Variants in TDRP observed in about 807,000 individuals in gnomAD.
TDRP encodes the protein testis development related protein.
Under a neutral mutation model 10.5 loss-of-function variants are expected in TDRP, and 12 were observed. That is an observed-to-expected ratio of 1.15 (90% confidence interval 0.73 to 1.86). The LOEUF (loss-of-function observed/expected upper bound fraction) is 1.86. TDRP is among the 40% of genes most tolerant of loss of function. The probability of loss-of-function intolerance (pLI) is 0.00; values close to 1 mark genes in which losing one functional copy is unlikely to be tolerated. For synonymous variants in TDRP, 139 were observed against 95.4 expected, an observed-to-expected ratio of 1.46 and a Z score of -2.67; for missense variants, 353 against 229.2, an observed-to-expected ratio of 1.54 and a Z score of -3.49.
chr8:497,424 A>G (rs1801166920), intron 1 of TDRP, among the ~76,000 whole-genome samples: 1 of 152,210 alleles, frequency 6.6e-6, no homozygotes, highest in South Asian at 2.1e-4. Context: ...ATGATTTAGG[A>G]TATCTGGCAG....
intron 1 of TDRP, among the ~76,000 whole-genome samples, chr8:536,500 A>G (rs114924417): frequency 0.014 from 2,124 of 152,326 alleles, 38 homozygotes; most frequent in African/African-American, 0.049. Context: ...TCACCTGTAC[A>G]TTTTATAAAC....
rs141611127 is a variant in TDRP, at chr8:491,926, A to C, written c.*473T>G. ...AAAGTTTAATTTGTCAAGTTAAACAAAATTTAACATAACTTTGGAAGATTC... is the reference window on the plus strand; with the variant it reads ...AAAGTTTAATTTGTCAAGTTAAACACAATTTAACATAACTTTGGAAGATTC... On this transcript the variant is annotated 3_prime_UTR_variant, in exon 3 of 3. Transcript: ENST00000324079. 4.4e-6 allele frequency: 5 copies of C among 1,146,304 alleles called. No homozygotes were observed. Among genetic ancestry groups the C allele is most frequent in the Non-Finnish European group, 5.4e-6 (5 of 934,530 alleles). The allele number at this position is 1,146,304 out of a possible 1,614,324, so 71.0% of individuals were successfully genotyped here.
intron 1 of TDRP, among the ~76,000 whole-genome samples, chr8:540,804 CG>C (rs1338202850): frequency 9.0e-5 from 7 of 77,506 alleles, no homozygotes; most frequent in Non-Finnish European, 1.2e-4. Flanking sequence ...TACTTTTTCA[CG>C]TAAAAAAAAA....
chr8:525,781 A>C (rs1321290632), intron 1 of TDRP, among the ~76,000 whole-genome samples: 1 of 152,222 alleles, frequency 6.6e-6, no homozygotes, highest in Non-Finnish European at 1.5e-5. Context: ...CAGAACAACC[A>C]GAAAACAAGT....
At chr8:523,202 T>C (rs934120203) in intron 1 of TDRP, among the ~76,000 whole-genome samples, 9 of 152,216 alleles carry the variant, frequency 5.9e-5, no homozygotes, top group African/African-American at 1.7e-4. Flanking sequence ...ATCACAGGGA[T>C]TACATAAAAC....
intron 1 of TDRP, among the ~76,000 whole-genome samples, chr8:527,237 AC>A (rs1329315146): frequency 1.3e-5 from 2 of 152,144 alleles, no homozygotes; most frequent in African/African-American, 4.8e-5. Context: ...TACAATGAAA[AC>A]TATAAAACAC....
intron 1 of TDRP, among the ~76,000 whole-genome samples, chr8:498,782 G>A (rs1801205656): frequency 6.6e-6 from 1 of 152,182 alleles, no homozygotes; most frequent in South Asian, 2.1e-4. Flanking sequence ...AAGGGACCTG[G>A]TGGGACGTGA....
intron 1 of TDRP, among the ~76,000 whole-genome samples, chr8:519,576 C>G (rs1337493892): frequency 6.6e-6 from 1 of 152,058 alleles, no homozygotes; most frequent in Non-Finnish European, 1.5e-5. Flanking sequence ...AAACCCCCCT[C>G]TCCCCCACCC....
chr8:516,032 T>C (rs978913539), intron 1 of TDRP, among the ~76,000 whole-genome samples: 4 of 152,154 alleles, frequency 2.6e-5, no homozygotes, highest in Non-Finnish European at 5.9e-5. Context: ...AAAAATTACA[T>C]TAAAAACAAG....
At chr8:522,992 G>A (rs1801945977) in intron 1 of TDRP, among the ~76,000 whole-genome samples, 2 of 152,098 alleles carry the variant, frequency 1.3e-5, no homozygotes, top group African/African-American at 4.8e-5. Flanking sequence ...AGTTTTGGTT[G>A]GGGAGTTTAA....
At chr8:494,178 G>C (rs867617206) in intron 2 of TDRP, among the ~76,000 whole-genome samples, 34 of 151,656 alleles carry the variant, frequency 2.2e-4, no homozygotes, top group Middle Eastern at 3.4e-3. Flanking sequence ...GGCCAGGCTG[G>C]TCTTGAACTC....
At chr8:534,928 T>C (rs1180246019) in intron 1 of TDRP, among the ~76,000 whole-genome samples, 2 of 152,164 alleles carry the variant, frequency 1.3e-5, no homozygotes, top group Non-Finnish European at 2.9e-5. Context: ...TCCAGGATTC[T>C]ATCCTCCAAA....
At chr8:522,979 C>T (rs985796734) in intron 1 of TDRP, among the ~76,000 whole-genome samples, 1 of 152,042 alleles carries the variant, frequency 6.6e-6, no homozygotes, top group African/African-American at 2.4e-5. Flanking sequence ...TTAAACCACA[C>T]GTAGTTTTGG....
intron 1 of TDRP, among the ~76,000 whole-genome samples, chr8:495,840 C>A (rs559341563): frequency 2.0e-5 from 3 of 152,336 alleles, no homozygotes; most frequent in Non-Finnish European, 4.4e-5. Context: ...GGGTGTAACA[C>A]AGCCTCAGGA....
At chr8:531,868 T>G (rs1232499466) in intron 1 of TDRP, among the ~76,000 whole-genome samples, 3 of 152,210 alleles carry the variant, frequency 2.0e-5, no homozygotes, top group African/African-American at 2.4e-5. Flanking sequence ...ACATATTATT[T>G]CAACCTAGTA....
chr8:497,112 C>T (rs1318470962), intron 1 of TDRP, among the ~76,000 whole-genome samples: 2 of 152,096 alleles, frequency 1.3e-5, no homozygotes, highest in African/African-American at 4.8e-5. Flanking sequence ...ATAAAGATAC[C>T]TGAAAACGTG....
At chr8:525,100 T>C (rs1802002687) in intron 1 of TDRP, among the ~76,000 whole-genome samples, 1 of 152,176 alleles carries the variant, frequency 6.6e-6, no homozygotes, top group South Asian at 2.1e-4. Flanking sequence ...ACAATGGAGC[T>C]CCGATAGGTC....
At chr8:518,715 C>A (rs769751418) in intron 1 of TDRP, among the ~76,000 whole-genome samples, 1 of 151,234 alleles carries the variant, frequency 6.6e-6, no homozygotes, top group Non-Finnish European at 1.5e-5. Flanking sequence ...CTTTCTAAGC[C>A]TTAGGGCAAA....
chr8:519,820 G>A (rs546799688), intron 1 of TDRP, among the ~76,000 whole-genome samples: 3 of 152,230 alleles, frequency 2.0e-5, no homozygotes, highest in Admixed American at 6.5e-5. Flanking sequence ...GACCCACCCT[G>A]ATGGCTCATC....
Sources: allele counts gnomAD v4.1 joint callset (sites outside exome capture counted in the v4.1 genomes callset), GRCh38; gene constraint gnomAD v4.1.1; transcripts MANE v1.5; gene names NCBI Gene and HGNC (gene_info 2026-07-23, HGNC 2026-07-21).